STXBP2: variants seen among roughly 807,000 people sequenced by gnomAD.
STXBP2 encodes syntaxin-binding protein 2.
Under a neutral mutation model 72.2 loss-of-function variants are expected in STXBP2, and 47 were observed. That is an observed-to-expected ratio of 0.65 (90% CI 0.51 to 0.83). STXBP2 has a LOEUF of 0.83. Among genes scored for constraint, STXBP2 ranks in the 40% least tolerant of loss-of-function variants. STXBP2 has a pLI of 0.00. For synonymous variants in STXBP2, 367 were observed against 338.7 expected, an observed-to-expected ratio of 1.08 and a Z score of -0.92; for missense variants, 702 against 807.6, an observed-to-expected ratio of 0.87 and a Z score of 1.58.
upstream of STXBP2, chr19:7,632,948 C>T: frequency 6.7e-7 from 1 of 1,482,596 alleles, no homozygotes; most frequent in Non-Finnish European, 8.9e-7. This position sits in a 1 kb window ranked among gnomAD's most constrained non-coding sequence, Gnocchi z 5.2. Context: ...TTCCTCAGCT[C>T]TCACCATGGT....
At chr19:7,629,967 G>A in the STXBP2 span, 7 of 1,313,968 alleles carry the variant, frequency 5.3e-6, no homozygotes, top group Non-Finnish European at 7.1e-6. Flanking sequence ...GCTCCAAGGA[G>A]AAAGCTCTTA....
At chr19:7,631,437 C>G in the STXBP2 span, 1 of 1,511,020 alleles carries the variant, frequency 6.6e-7, no homozygotes, top group Admixed American at 2.0e-5. Flanking sequence ...GTGTGCCCCT[C>G]CCCCCTTCCT....
At chr19:7,637,301 C>T (rs2031584012) in intron 1 of STXBP2, 115 bp downstream of exon 1, 5 of 660,662 alleles carry the variant, frequency 7.6e-6, no homozygotes, top group Admixed American at 1.2e-4. Flanking sequence ...CCGGGCTGGG[C>T]GTCCGAGCAC....
chr19:7,633,125 T>C (rs2031400974), upstream of STXBP2: 1 of 495,434 alleles, frequency 2.0e-6, no homozygotes, highest in African/African-American at 2.1e-5. Context: ...GCCTGATGAG[T>C]GTGGCCTGGG....
At chr19:7,633,644 G>A (rs1002117633), upstream of STXBP2, 8 of 619,504 alleles carry the variant, frequency 1.3e-5, no homozygotes, top group East Asian at 1.2e-4. Context: ...TGCCCACAAC[G>A]ATGCTGGATC....
the STXBP2 span, chr19:7,630,774 G>C: frequency 6.5e-7 from 1 of 1,537,058 alleles, no homozygotes; most frequent in Non-Finnish European, 8.7e-7. Flanking sequence ...CCTGATGTGG[G>C]GCTCTGGAGG....
At chr19:7,631,870 G>A in the STXBP2 span, 23 of 1,358,440 alleles carry the variant, frequency 1.7e-5, no homozygotes, top group East Asian at 1.9e-4. Flanking sequence ...CACAGGTGGC[G>A]AACAATGGAG....
chr19:7,641,712 C>A lies in STXBP2; in HGVS notation c.437C>A (p.Ser146Tyr). The A allele has an allele frequency of 6.4e-7, 1 of 1,553,984 alleles. No homozygotes were observed. Among genetic ancestry groups the A allele is most frequent in the East Asian group, 2.4e-5 (1 of 41,370 alleles). The change falls in exon 7 of 19, where the codon TCC (serine) becomes TAC (tyrosine). Residue 146 changes from serine to tyrosine, a missense_variant. Transcript: ENST00000221283. ...TGTCCCCTCCTCGCCCAGGTGTTCT[C>A]CCTCGATGCTCCCCACAGCACCTAC... ...AFLPYEAQVFSLDAPHSTYNL... is the reference protein window; with the variant it reads ...AFLPYEAQVFYLDAPHSTYNL...
At chr19:7,631,311 C>G in the STXBP2 span, 1 of 1,411,176 alleles carries the variant, frequency 7.1e-7, no homozygotes, top group African/African-American at 1.5e-5. Context: ...GGATCCCACG[C>G]GGACCCCTTT....
chr19:7,645,145 C>A, intron 14 of STXBP2, 52 bp from the exon 15 acceptor site: 3 of 1,538,974 alleles, frequency 1.9e-6, no homozygotes, highest in East Asian at 2.4e-5. Flanking sequence ...CTCCCCTAAA[C>A]CTGGGAGCTC....
At chr19:7,638,684 C>G in intron 1 of STXBP2, 42 bp from the exon 2 acceptor site, 1 of 1,611,090 alleles carries the variant, frequency 6.2e-7, no homozygotes, top group African/African-American at 1.3e-5. Flanking sequence ...GTGGTGGGAC[C>G]AGAGAACCAG....
At chr19:7,631,727 G>A in the STXBP2 span, 7 of 1,446,418 alleles carry the variant, frequency 4.8e-6, no homozygotes, top group East Asian at 2.6e-5. Flanking sequence ...CTGCTGTTCC[G>A]ACGGAAGCCG....
At chr19:7,631,311 C>T in the STXBP2 span, 19 of 1,411,066 alleles carry the variant, frequency 1.3e-5, no homozygotes, top group South Asian at 6.3e-5. Flanking sequence ...GGATCCCACG[C>T]GGACCCCTTT....
At chr19:7,640,014 GTGTGCA>G (rs756846058) in intron 4 of STXBP2, 65 of 685,392 alleles carry the variant, frequency 9.5e-5, no homozygotes, top group African/African-American at 1.6e-4. Flanking sequence ...GTATGTGTCT[GTGTGCA>G]TGTGCATGTG....
At chr19:7,629,859 G>A in the STXBP2 span, 1 of 1,534,408 alleles carries the variant, frequency 6.5e-7, no homozygotes, top group Admixed American at 2.0e-5. Context: ...GAGATATTTC[G>A]GGTCAGTGGA....
At chr19:7,646,754 A>G (rs2032153964) in intron 16 of STXBP2, 1 of 388,166 alleles carries the variant, frequency 2.6e-6, no homozygotes, top group Non-Finnish European at 4.8e-6. Flanking sequence ...TGGGGGCCAG[A>G]GACCTGGGCC....
chr19:7,645,990 T>A, intron 15 of STXBP2: 1 of 573,694 alleles, frequency 1.7e-6, no homozygotes. Flanking sequence ...CTGCTTCTTA[T>A]CTCTTTGCCT....
the STXBP2 span, chr19:7,631,421 T>G: frequency 1.4e-6 from 2 of 1,450,230 alleles, no homozygotes; most frequent in Non-Finnish European, 1.8e-6. Context: ...GTCCCGGCTC[T>G]GAGGTGTGTG....
At chr19:7,631,693 G>A in the STXBP2 span, 1 of 1,457,470 alleles carries the variant, frequency 6.9e-7, no homozygotes, top group East Asian at 2.6e-5. Context: ...AGGCCCTCAG[G>A]GGGCTTGTGT....
Sources: gnomAD v4.1 joint callset for allele counts on GRCh38, gnomAD v4.1.1 for gene constraint, Gnocchi (gnomAD v3.1) non-coding constraint, MANE v1.5 for transcripts, NCBI Gene and HGNC (gene_info 2026-07-23, HGNC 2026-07-21) for gene names.